The following UNC5B variants were observed in gnomAD, a reference collection of about 807,000 sequenced individuals.
UNC5B encodes netrin receptor UNC5B.
In UNC5B, 56 loss-of-function variants were observed where a neutral mutation model predicts 103.7. That is an observed-to-expected ratio of 0.54 (90% confidence interval 0.44 to 0.67). The LOEUF (loss-of-function observed/expected upper bound fraction) is 0.67, where lower values mean the gene tolerates loss of function less well. UNC5B is among the 30% of genes least tolerant of loss of function. UNC5B has a pLI of 0.00. For missense variants in UNC5B, 1,194 were observed against 1,284.5 expected (o/e 0.93, Z 1.08); for synonymous variants, 577 against 542.0 (o/e 1.06, Z -0.90).
intron 1 of UNC5B, among the ~76,000 whole-genome samples, chr10:71,265,191 T>G (rs908519886): frequency 6.6e-6 from 1 of 152,188 alleles, no homozygotes; most frequent in Non-Finnish European, 1.5e-5. Flanking sequence ...TAGTTAGCAC[T>G]GTAAATGGTA....
intron 1 of UNC5B, among the ~76,000 whole-genome samples, chr10:71,232,602 C>T (rs1482291165): frequency 4.6e-5 from 7 of 152,256 alleles, no homozygotes; most frequent in Non-Finnish European, 8.8e-5. Context: ...CCGTGAGCTC[C>T]GCCAGTTGGC....
intron 8 of UNC5B, 143 bp from the exon 9 acceptor site, chr10:71,290,772 G>A: frequency 9.9e-7 from 1 of 1,011,940 alleles, no homozygotes; most frequent in South Asian, 1.8e-5. Flanking sequence ...GAGGTTGCCA[G>A]CCTGTGTAGG....
At chr10:71,295,715 C>T (rs1845389721) in intron 13 of UNC5B, 96 bp from the exon 14 acceptor site, 1 of 1,467,534 alleles carries the variant, frequency 6.8e-7, no homozygotes, top group Non-Finnish European at 9.2e-7. Flanking sequence ...GCCATGCACT[C>T]AGATGGGCCC....
intron 8 of UNC5B, 91 bp downstream of exon 8, chr10:71,289,081 G>A: frequency 6.3e-7 from 1 of 1,581,568 alleles, no homozygotes; most frequent in Non-Finnish European, 8.7e-7. Context: ...GCAGGGCAGG[G>A]AGAGCTGAAG....
At chr10:71,268,693 GA>G (rs1428432202) in intron 1 of UNC5B, among the ~76,000 whole-genome samples, 2 of 152,224 alleles carry the variant, frequency 1.3e-5, no homozygotes, top group Non-Finnish European at 2.9e-5. Context: ...GGAGACGGGG[GA>G]AATTTGTGTG....
At chr10:71,249,412 TC>T (rs1401291721) in intron 1 of UNC5B, among the ~76,000 whole-genome samples, 1 of 152,212 alleles carries the variant, frequency 6.6e-6, no homozygotes, top group Non-Finnish European at 1.5e-5. Flanking sequence ...GATTGAGGGC[TC>T]CCCAGGGGGT....
In UNC5B at chr10:71,215,806, G is replaced by GGTGTGT. The variant is rs55848098; in HGVS notation, c.79+2774_79+2779dup. On this transcript the variant is annotated intron_variant, in intron 1 of 16. Coordinates refer to ENST00000335350, the MANE Select transcript of UNC5B (RefSeq NM_170744.5). ...CAGAGTTTTTGTAGTGTCTCTGCTT[G>GGTGTGT]GTGTGTGTGTGTGTGTGTGTGTGTG... Among the ~76,000 whole-genome samples, 483 of 149,644 alleles carry GGTGTGT rather than the reference G, an allele frequency of 3.2e-3. 2 individuals carry two copies. The highest frequency in any genetic ancestry group is 0.01 in the African/African-American group (424 of 40,592).
At chr10:71,263,285 G>C (rs1035352735) in intron 1 of UNC5B, among the ~76,000 whole-genome samples, 16 of 152,248 alleles carry the variant, frequency 1.1e-4, no homozygotes, top group African/African-American at 3.9e-4. Context: ...CCCTCTGTGG[G>C]CCTCAGTTTC....
intron 1 of UNC5B, among the ~76,000 whole-genome samples, chr10:71,271,655 C>T (rs1427965124): frequency 1.3e-5 from 2 of 152,212 alleles, no homozygotes; most frequent in African/African-American, 2.4e-5. Context: ...GGCCCGGGCT[C>T]ATCCCAGCAC....
Position 71,245,466 on chromosome 10 carries a change from CAGACTGAG to C in UNC5B, c.79+32405_79+32412del, listed in dbSNP as rs1427574496. On this transcript the variant is annotated intron_variant, in intron 1 of 16. Coordinates refer to ENST00000335350, the MANE Select transcript of UNC5B (RefSeq NM_170744.5). Reference sequence around the variant, plus strand: ...AGAATCCCAGTAGGGCCTGGTGGTACAGACTGAGAGGCCCTGAGCCCTCAGAGCTTGGG... The same window carrying C: ...AGAATCCCAGTAGGGCCTGGTGGTACAGGCCCTGAGCCCTCAGAGCTTGGG... 3.9e-5 allele frequency among the ~76,000 whole-genome samples: 6 copies of C among 152,176 alleles called. No individual in the cohort carries two copies. In the South Asian group the frequency reaches 1.2e-3, roughly 32 times the overall value.
intron 13 of UNC5B, among the ~76,000 whole-genome samples, chr10:71,294,358 G>A (rs1404922591): frequency 6.6e-6 from 1 of 152,252 alleles, no homozygotes; most frequent in Non-Finnish European, 1.5e-5. Flanking sequence ...GTGAATGTGA[G>A]GGCGGGCGAG....
rs7069294 is a variant in UNC5B at position 71,286,868 on chromosome 10, C to T, written c.732C>T (p.Tyr244=). Residue 244 remains tyrosine (Y), a splice_region_variant and synonymous_variant, in exon 5 of 17, where the codon TAC becomes TAT. Transcript: ENST00000335350. ...GCACCACTGCCACCGTCATCGTCTA[C>T]GGTGCGGGCCTTTCGGAGTGGGAGG... ...RRSTTATVIV[Y]VNGGWSSWAE... The T allele has an allele frequency of 0.054, 87,000 of 1,612,594 alleles. 2,818 individuals are homozygous for T. The highest frequency in any genetic ancestry group is 0.092 in the South Asian group (8,411 of 91,002).
chr10:71,289,660 G>C (rs1361570286), intron 8 of UNC5B, among the ~76,000 whole-genome samples: 1 of 152,258 alleles, frequency 6.6e-6, no homozygotes, highest in African/African-American at 2.4e-5. Context: ...TCGGGCTGGG[G>C]ATGATTCAAG....
At chr10:71,214,191 G>A (rs867961486) in intron 1 of UNC5B, among the ~76,000 whole-genome samples, 1 of 152,160 alleles carries the variant, frequency 6.6e-6, no homozygotes, top group Admixed American at 6.5e-5. Context: ...GGAGCAGAAA[G>A]TGGACGAGAT....
chr10:71,244,825 C>G (rs914783232), intron 1 of UNC5B, among the ~76,000 whole-genome samples: 1 of 152,168 alleles, frequency 6.6e-6, no homozygotes, highest in Non-Finnish European at 1.5e-5. Context: ...GCGGCGGGGG[C>G]GTGCTGGCGT....
intron 1 of UNC5B, among the ~76,000 whole-genome samples, chr10:71,217,005 G>C (rs1040715801): frequency 6.6e-6 from 1 of 152,246 alleles, no homozygotes; most frequent in Non-Finnish European, 1.5e-5. Context: ...AGAGGGGGCT[G>C]GGTCATAGGC....
intron 5 of UNC5B, 63 bp downstream of exon 5, chr10:71,286,932 G>T (rs1247873503): frequency 5.6e-5 from 89 of 1,578,266 alleles, no homozygotes; most frequent in Middle Eastern, 5.2e-4. Context: ...GAGCCTGGGG[G>T]TAGGGGGGAC....
chr10:71,260,540 C>T lies in UNC5B; in HGVS notation c.80-19281C>T, dbSNP rs114114262. ...AGCTTTCCTGTCTTCCCTGCAGGGCCTCTGGGCTCAGGGCCCTTGGTCATC... is the reference window on the plus strand; with the variant it reads ...AGCTTTCCTGTCTTCCCTGCAGGGCTTCTGGGCTCAGGGCCCTTGGTCATC... On this transcript the variant is annotated intron_variant, in intron 1 of 16. Coordinates refer to ENST00000335350, the MANE Select transcript of UNC5B (RefSeq NM_170744.5). Among the ~76,000 whole-genome samples the T allele has an allele frequency of 7.7e-3, 1,167 of 152,346 alleles. 16 individuals are homozygous for T. Among genetic ancestry groups the T allele is most frequent in the African/African-American group, 0.027 (1,128 of 41,584 alleles).
intron 1 of UNC5B, among the ~76,000 whole-genome samples, chr10:71,253,057 C>T (rs1176920046): frequency 6.6e-6 from 1 of 152,236 alleles, no homozygotes; most frequent in Non-Finnish European, 1.5e-5. Flanking sequence ...CTCCATCCCT[C>T]TTAGCTCTTT....
Sources: gnomAD v4.1 joint callset for allele counts (sites outside exome capture counted in the v4.1 genomes callset) on GRCh38, gnomAD v4.1.1 for gene constraint, MANE v1.5 for transcripts, NCBI Gene and HGNC (gene_info 2026-07-23, HGNC 2026-07-21) for gene names.